The following CTNNA2 variants were observed in gnomAD, a reference collection of about 807,000 sequenced individuals.
The protein encoded by CTNNA2 is catenin alpha 2.
A neutral mutation model predicts 101.0 loss-of-function variants in CTNNA2; 42 were observed. The observed-to-expected ratio is 0.42, with a 90% CI of 0.32 to 0.54. The LOEUF is 0.54. Ranked by LOEUF, CTNNA2 falls within the 20% of genes least tolerant of loss-of-function variation. The probability of loss-of-function intolerance (pLI) is 0.14; values close to 1 mark genes in which losing one functional copy is unlikely to be tolerated. For synonymous variants in CTNNA2, 450 were observed against 456.4 expected (o/e 0.99, Z 0.18); for missense variants, 871 against 1,223.1 (o/e 0.71, Z 4.29).
At chr2:79,885,109 G>A (rs139599384) in intron 6 of CTNNA2, among the ~76,000 whole-genome samples, 1 of 152,178 alleles carries the variant, frequency 6.6e-6, no homozygotes, top group Non-Finnish European at 1.5e-5. Flanking sequence ...CCATTTAAGG[G>A]ACATTAAGAG....
At chr2:80,579,512 A>G (rs1479323168) in intron 13 of CTNNA2, 1 of 152,208 alleles carries the variant, frequency 6.6e-6, no homozygotes. Flanking sequence ...TGATCAGAGA[A>G]TATTGTCTCT....
intron 12 of CTNNA2, among the ~76,000 whole-genome samples, chr2:80,558,117 C>T (rs570892542): frequency 2.6e-5 from 4 of 152,104 alleles, no homozygotes; most frequent in African/African-American, 9.7e-5. Context: ...CTGAAATAGA[C>T]AGCTTATATA....
At chr2:79,194,455 G>A (rs755232144) in intron 1 of CTNNA2, among the ~76,000 whole-genome samples, 3 of 152,156 alleles carry the variant, frequency 2.0e-5, no homozygotes, top group African/African-American at 7.2e-5. Context: ...CAGATCCAAA[G>A]GGCCTAACCC....
chr2:79,485,958 A>C (rs1020003933), intron 4 of CTNNA2, among the ~76,000 whole-genome samples: 9 of 152,150 alleles, frequency 5.9e-5, no homozygotes, highest in Admixed American at 1.3e-4. Context: ...TTTTTGGATG[A>C]CCATCGTGTA....
At chr2:80,220,975 G>A (rs1344229226) in intron 7 of CTNNA2, among the ~76,000 whole-genome samples, 1 of 152,110 alleles carries the variant, frequency 6.6e-6, no homozygotes, top group Non-Finnish European at 1.5e-5. Flanking sequence ...TCCACCTCCT[G>A]AGTTCAAGCG....
At chr2:80,099,726 A>G (rs1395952279) in intron 7 of CTNNA2, among the ~76,000 whole-genome samples, 1 of 149,478 alleles carries the variant, frequency 6.7e-6, no homozygotes, top group African/African-American at 2.5e-5. Context: ...AACAATTGCC[A>G]AGTTTGCTTA....
intron 4 of CTNNA2, among the ~76,000 whole-genome samples, chr2:79,384,104 T>A (rs531826448): frequency 6.6e-6 from 1 of 152,310 alleles, no homozygotes; most frequent in East Asian, 1.9e-4. Flanking sequence ...AATGCAGCAC[T>A]TAGCTTCCCA....
At chr2:79,726,992 G>A (rs61626523) in intron 2 of CTNNA2, among the ~76,000 whole-genome samples, 4,733 of 152,306 alleles carry the variant, frequency 0.031, 228 homozygotes, top group African/African-American at 0.1. Flanking sequence ...AACAGCAAAT[G>A]AAAACCGGAA....
rs547613196 is a variant in CTNNA2, at chr2:80,361,900, A to T, written c.1057-31311A>T. ...GAGATTGCAAAGACAAAAAGAAATCACACCTTTTTAAAAAGCCAAATAGAT... is the reference window on the plus strand; with the variant it reads ...GAGATTGCAAAGACAAAAAGAAATCTCACCTTTTTAAAAAGCCAAATAGAT... On this transcript the variant is annotated intron_variant, in intron 7 of 18. Coordinates refer to ENST00000402739, the MANE Select transcript of CTNNA2 (RefSeq NM_001282597.3). 2.6e-5 allele frequency among the ~76,000 whole-genome samples: 4 copies of T among 152,276 alleles called. No individual in the cohort carries two copies. In the South Asian group the frequency reaches 8.3e-4, roughly 32 times the overall value.
At chr2:79,413,539 C>T (rs1678441570) in intron 4 of CTNNA2, among the ~76,000 whole-genome samples, 1 of 151,890 alleles carries the variant, frequency 6.6e-6, no homozygotes, top group Admixed American at 6.6e-5. Flanking sequence ...GTGTGAATAC[C>T]TCTTTGACAT....
rs1472777485 is a variant in CTNNA2, at chr2:80,303,196, C to T, written c.1057-90015C>T. 6.2e-7 allele frequency: 1 copy of T among 1,613,982 alleles called. No homozygotes were observed. The highest frequency in any genetic ancestry group is 8.5e-7 in the Non-Finnish European group (1 of 1,179,954). On this transcript the variant is annotated intron_variant, in intron 7 of 18. Coordinates refer to ENST00000402739, the MANE Select transcript of CTNNA2 (RefSeq NM_001282597.3). The surrounding 1 kb of genome is among the most constrained non-coding windows in gnomAD (Gnocchi z 7.7). ...CGAGGTGCAGCTCGGTGAGCTTAAA[C>T]AAGCCGGCGAAAGAGTTGCGCGCCA...
At chr2:80,618,519 C>T (rs1259265481) in intron 17 of CTNNA2, among the ~76,000 whole-genome samples, 3 of 151,858 alleles carry the variant, frequency 2.0e-5, no homozygotes, top group African/African-American at 7.2e-5. Flanking sequence ...AAGGAACAGT[C>T]AAAAGAGTTG....
In CTNNA2 at chr2:79,858,122, C is replaced by T; in HGVS notation, c.408C>T (p.Arg136=). 1 of 1,614,066 alleles carries T rather than the reference C, an allele frequency of 6.2e-7. No homozygotes were observed. The highest frequency in any genetic ancestry group is 8.5e-7 in the Non-Finnish European group (1 of 1,179,926). ...AARALLSAVT[R]LLILADMADV... Reference sequence around the variant, plus strand: ...GGGCTTTGCTCTCCGCGGTGACACGCTTACTCATCCTGGCGGACATGGCAG... The same window carrying T: ...GGGCTTTGCTCTCCGCGGTGACACGTTTACTCATCCTGGCGGACATGGCAG... The change falls in exon 4 of 19, where the codon CGC becomes CGT. Residue 136 remains arginine, a synonymous_variant. Coordinates refer to ENST00000402739, the MANE Select transcript of CTNNA2 (RefSeq NM_001282597.3).
At chr2:80,427,494 G>C (rs888333107) in intron 9 of CTNNA2, among the ~76,000 whole-genome samples, 14 of 152,186 alleles carry the variant, frequency 9.2e-5, no homozygotes, top group African/African-American at 3.1e-4. Flanking sequence ...TCAGCTAGTG[G>C]ATGTGAGAGA....
chr2:79,671,501 A>C (rs201845745), intron 2 of CTNNA2, among the ~76,000 whole-genome samples: 1 of 70,774 alleles, frequency 1.4e-5, no homozygotes, highest in South Asian at 9.1e-4. Context: ...TATGAGAAGG[A>C]AAAAAAAGAT....
chr2:80,127,830 A>G (rs543474346), intron 7 of CTNNA2, among the ~76,000 whole-genome samples: 25 of 152,224 alleles, frequency 1.6e-4, no homozygotes, highest in African/African-American at 6.0e-4. Flanking sequence ...ATTTGCAGGG[A>G]TCATTAGCCT....
chr2:79,479,784 A>C (rs1243814960), intron 4 of CTNNA2, among the ~76,000 whole-genome samples: 1 of 151,986 alleles, frequency 6.6e-6, no homozygotes, highest in Non-Finnish European at 1.5e-5. Flanking sequence ...TTAGCTCGGC[A>C]TGGTGGTGGG....
chr2:80,079,469 A>G (rs1698972302), intron 7 of CTNNA2, among the ~76,000 whole-genome samples: 1 of 152,162 alleles, frequency 6.6e-6, no homozygotes. Flanking sequence ...AATACCAAGA[A>G]GAAAGAGAGA....
Position 80,056,117 on chromosome 2 carries a change from G to A in CTNNA2, c.1056+146320G>A, listed in dbSNP as rs1697198991. 2.0e-5 allele frequency among the ~76,000 whole-genome samples: 3 copies of A among 152,292 alleles called. No individual in the cohort carries two copies. In the South Asian group the frequency reaches 6.2e-4, roughly 32 times the overall value. On this transcript the variant is annotated intron_variant, in intron 7 of 18. Coordinates refer to ENST00000402739, the MANE Select transcript of CTNNA2 (RefSeq NM_001282597.3). ...ACCATCAGAAATCCACATTTCTGAT[G>A]AGGATTGTACAGCTTCAAGATGGAG...
Sources: allele counts gnomAD v4.1 joint callset (sites outside exome capture counted in the v4.1 genomes callset), GRCh38; gene constraint gnomAD v4.1.1; non-coding constraint Gnocchi (gnomAD v3.1); transcripts MANE v1.5; gene names NCBI Gene and HGNC (gene_info 2026-07-23, HGNC 2026-07-21).